CCND3: variants seen among roughly 807,000 people sequenced by gnomAD.
The protein encoded by CCND3 is G1/S-specific cyclin-D3.
Under a neutral mutation model 28.7 loss-of-function variants are expected in CCND3, and 9 were observed. The ratio of observed to expected loss-of-function variants is 0.31; its 90% CI spans 0.19 to 0.55. The LOEUF (loss-of-function observed/expected upper bound fraction) is 0.55. Ranked by LOEUF, CCND3 falls within the 20% of genes least tolerant of loss-of-function variation. CCND3 has a pLI of 0.93. For missense variants in CCND3, 315 were observed against 385.8 expected (o/e 0.82, Z 1.54); for synonymous variants, 164 against 163.9 (o/e 1.00, Z 0.00).
chr6:41,954,997 G>T (rs187585111), intron 1 of CCND3, among the ~76,000 whole-genome samples: 2 of 152,258 alleles, frequency 1.3e-5, no homozygotes, highest in Non-Finnish European at 2.9e-5. Context: ...TGGACTTTTT[G>T]TGATGTGTGA....
chr6:42,046,210 C>T (rs1201205687), intron 1 of CCND3, among the ~76,000 whole-genome samples: 1 of 152,136 alleles, frequency 6.6e-6, no homozygotes, highest in African/African-American at 2.4e-5. Context: ...AATTTAAAAG[C>T]GTTTCAGAAA....
intron 1 of CCND3, among the ~76,000 whole-genome samples, chr6:41,974,774 T>C (rs1284670548): frequency 6.7e-6 from 1 of 149,984 alleles, no homozygotes; most frequent in Non-Finnish European, 1.5e-5. Context: ...TAAGCCTAAC[T>C]GTCAATTCCC....
chr6:41,991,147 C>A (rs1266562900), intron 1 of CCND3, among the ~76,000 whole-genome samples: 1 of 151,990 alleles, frequency 6.6e-6, no homozygotes, highest in Non-Finnish European at 1.5e-5. Flanking sequence ...CAACCTCTGC[C>A]TCCTGGGTTC....
At chr6:42,036,769 CAT>C (rs1047799585) in intron 1 of CCND3, among the ~76,000 whole-genome samples, 2 of 151,870 alleles carry the variant, frequency 1.3e-5, no homozygotes, top group Admixed American at 6.6e-5. Context: ...TCAATGAAAA[CAT>C]ATTGCAACAG....
chr6:41,960,017 G>A (rs1160123750), intron 1 of CCND3, among the ~76,000 whole-genome samples: 1 of 151,912 alleles, frequency 6.6e-6, no homozygotes, highest in Non-Finnish European at 1.5e-5. Context: ...GAAATAATAT[G>A]GCATATGCAT....
chr6:41,996,784 C>T (rs1221920942), intron 1 of CCND3, among the ~76,000 whole-genome samples: 1 of 151,886 alleles, frequency 6.6e-6, no homozygotes, highest in Non-Finnish European at 1.5e-5. Flanking sequence ...CCTGCCTCAG[C>T]CTCCCAAGTA....
chr6:41,973,908 C>T (rs993085327), intron 1 of CCND3, among the ~76,000 whole-genome samples: 4 of 152,162 alleles, frequency 2.6e-5, no homozygotes, highest in African/African-American at 9.7e-5. Context: ...AGTGGGCGGG[C>T]GCAGTGGCTC....
chr6:41,996,340 G>C (rs1181050712), intron 1 of CCND3, among the ~76,000 whole-genome samples: 1 of 151,608 alleles, frequency 6.6e-6, no homozygotes, highest in Non-Finnish European at 1.5e-5. Flanking sequence ...AGTAGAGATG[G>C]GGTTTCACCA....
chr6:41,996,144 TTTGTTTG>T (rs1459105122), intron 1 of CCND3, among the ~76,000 whole-genome samples: 6 of 137,808 alleles, frequency 4.4e-5, no homozygotes, highest in African/African-American at 1.6e-4. Context: ...ATATATTTTT[TTTGTTTG>T]TTTGTTTGTT....
In CCND3 at chr6:42,024,833, C is replaced by A. The variant is rs141027631; in HGVS notation, c.-46+23668G>T. Among the ~76,000 whole-genome samples the A allele has an allele frequency of 6.0e-3, 906 of 152,228 alleles. 8 individuals carry two copies. The highest frequency in any genetic ancestry group is 0.019 in the African/African-American group (785 of 41,544). ...CAGCACTTTGGGAGGCTGAGGAGGGCAGATCACCTGAGGTCAGGAGTTCGA... is the reference window on the plus strand; with the variant it reads ...CAGCACTTTGGGAGGCTGAGGAGGGAAGATCACCTGAGGTCAGGAGTTCGA... On this transcript the variant is annotated intron_variant, in intron 1 of 4. Coordinates refer to the CCND3 transcript ENST00000372988.
At chr6:41,964,839 C>T (rs911822443) in intron 1 of CCND3, among the ~76,000 whole-genome samples, 1 of 147,544 alleles carries the variant, frequency 6.8e-6, no homozygotes. Context: ...CTTGCAAGAA[C>T]CTAGTGAGAA....
intron 1 of CCND3, among the ~76,000 whole-genome samples, chr6:42,042,275 C>T (rs1040248502): frequency 1.3e-5 from 2 of 152,092 alleles, no homozygotes; most frequent in African/African-American, 4.8e-5. Context: ...CAGCAGCTAT[C>T]ACTCAAAGGA....
chr6:41,990,145 A>C (rs1393508774), intron 1 of CCND3, among the ~76,000 whole-genome samples: 1 of 152,164 alleles, frequency 6.6e-6, no homozygotes, highest in Non-Finnish European at 1.5e-5. Context: ...TAGTGTTTCT[A>C]TACATGAACA....
intron 1 of CCND3, among the ~76,000 whole-genome samples, chr6:42,044,304 C>A (rs1764462196): frequency 6.6e-6 from 1 of 152,200 alleles, no homozygotes; most frequent in Non-Finnish European, 1.5e-5. Context: ...AGCAGAGGCT[C>A]CCTGAAACCA....
chr6:42,038,515 G>C (rs997272766), intron 1 of CCND3, among the ~76,000 whole-genome samples: 1 of 151,314 alleles, frequency 6.6e-6, no homozygotes, highest in Non-Finnish European at 1.5e-5. Flanking sequence ...ACTCTAGCCT[G>C]GGTGACAGAG....
chr6:41,990,343 A>G (rs1582137779), intron 1 of CCND3, among the ~76,000 whole-genome samples: 1 of 152,184 alleles, frequency 6.6e-6, no homozygotes, highest in East Asian at 1.9e-4. Context: ...GATTGGAAGA[A>G]TTAATATTGT....
intron 1 of CCND3, among the ~76,000 whole-genome samples, chr6:41,996,670 CT>C (rs34368226): frequency 5.7e-5 from 8 of 141,362 alleles, no homozygotes; most frequent in South Asian, 2.2e-4. Context: ...AAAATCTTAC[CT>C]TTTTTTTTTT....
chr6:42,032,367 C>T (rs1280049997), intron 1 of CCND3, among the ~76,000 whole-genome samples: 6 of 152,194 alleles, frequency 3.9e-5, no homozygotes, highest in Admixed American at 3.3e-4. Flanking sequence ...GGGTTACACA[C>T]GTGAGCCACC....
At chr6:41,948,827 C>T (rs1776233663) in intron 1 of CCND3, among the ~76,000 whole-genome samples, 1 of 140,750 alleles carries the variant, frequency 7.1e-6, no homozygotes, top group African/African-American at 2.7e-5. Context: ...GCCTGGACTA[C>T]AGAACGAGAC....
Sources: gnomAD v4.1 joint callset for allele counts (sites outside exome capture counted in the v4.1 genomes callset) on GRCh38, gnomAD v4.1.1 for gene constraint, MANE v1.5 for transcripts, NCBI Gene and HGNC (gene_info 2026-07-23, HGNC 2026-07-21) for gene names.